CACNA1S: variants seen among roughly 807,000 people sequenced by gnomAD.
The protein encoded by CACNA1S is voltage-dependent L-type calcium channel subunit alpha-1S.
A neutral mutation model predicts 207.4 loss-of-function variants in CACNA1S; 126 were observed. That is an observed-to-expected ratio of 0.61 (90% CI 0.53 to 0.70). The LOEUF is 0.70. CACNA1S is among the 30% of genes least tolerant of loss of function. The pLI is 0.00. For synonymous variants in CACNA1S, 960 were observed against 932.7 expected (o/e 1.03, Z -0.53); for missense variants, 2,349 against 2,422.8 (o/e 0.97, Z 0.64).
intron 6 of CACNA1S, among the ~76,000 whole-genome samples, chr1:201,088,718 T>C (rs1320094288): frequency 1.3e-5 from 2 of 152,204 alleles, no homozygotes; most frequent in South Asian, 2.1e-4. Flanking sequence ...GAAATCTAGC[T>C]CTTAACAAAC....
At chr1:201,079,299 C>T (rs1572052045) in intron 10 of CACNA1S, among the ~76,000 whole-genome samples, 1 of 152,084 alleles carries the variant, frequency 6.6e-6, no homozygotes, top group Non-Finnish European at 1.5e-5. Context: ...TGCACCCTCA[C>T]TACTTCACCA....
rs149187422 is a variant in CACNA1S, at chr1:201,043,117, A to T, written c.5048+164T>A. ...CCTGCTGGCCAAAGAAGCCTCTGCC[A>T]TCGAGGTCGGCCTCTTACATTAAGG... is the stretch of plus-strand genomic sequence containing the variant. On this transcript the variant is annotated intron_variant, in intron 40 of 43. Coordinates refer to ENST00000362061, the MANE Select transcript of CACNA1S (RefSeq NM_000069.3). The T allele has an allele frequency of 4.9e-5, 40 of 823,064 alleles. No individual in the cohort carries two copies. The East Asian group carries it at 1.0e-3, about 21-fold the overall frequency. 51.0% of individuals were successfully genotyped at this position (823,064 alleles called of 1,614,324 possible).
chr1:201,057,345 C>T lies in CACNA1S; in HGVS notation c.3609+1063G>A, dbSNP rs749502521. Among the ~76,000 whole-genome samples the T allele has an allele frequency of 3.3e-5, 5 of 152,354 alleles. No individual in the cohort carries two copies. The South Asian group carries it at 6.2e-4, about 19-fold the overall frequency. On this transcript the variant is annotated intron_variant, in intron 28 of 43. Coordinates refer to ENST00000362061, the MANE Select transcript of CACNA1S (RefSeq NM_000069.3). ...CCCCCGTTCTGGCATGGCTCATGCC[C>T]TTGCTTTCTTCAGGCCTCTGCTCCA...
intron 32 of CACNA1S, among the ~76,000 whole-genome samples, chr1:201,052,106 T>A (rs1475184516): frequency 1.3e-5 from 2 of 152,180 alleles, no homozygotes; most frequent in African/African-American, 4.8e-5. Flanking sequence ...TCGGTTGCAA[T>A]CCAAGCTCTA....
chr1:201,040,402 C>T (rs765957541), intron 42 of CACNA1S, 28 bp from the exon 43 acceptor site: 3 of 1,610,806 alleles, frequency 1.9e-6, no homozygotes, highest in Admixed American at 3.3e-5. Flanking sequence ...AAGCAAAGAC[C>T]CCGACAGGGG....
chr1:201,058,388 T>TCTGC lies in CACNA1S; in HGVS notation c.3609+16_3609+19dup. The TCTGC allele has an allele frequency of 1.2e-6, 2 of 1,608,048 alleles. No individual in the cohort carries two copies. The highest frequency in any genetic ancestry group is 2.2e-5 in the South Asian group (2 of 90,954). On this transcript the variant is annotated intron_variant, in intron 28 of 43. Transcript: ENST00000362061. ...CTCTTGGGCCCACCCTAGTGATGGC[T>TCTGC]CTGCCTGCCTGATACTCACGTCGAT...
intron 14 of CACNA1S, 144 bp from the exon 15 acceptor site, chr1:201,073,786 C>A (rs1213133989): frequency 2.6e-6 from 2 of 779,302 alleles, no homozygotes; most frequent in Non-Finnish European, 4.7e-6. Context: ...ATGGGAAGGG[C>A]AGTGGGCTCA....
In CACNA1S at chr1:201,077,864, G is replaced by A. The variant is rs771698501; in HGVS notation, c.1619+15C>T. The A allele has an allele frequency of 2.0e-5, 32 of 1,598,288 alleles. No individual in the cohort carries two copies. Among genetic ancestry groups the A allele is most frequent in the South Asian group, 2.0e-4 (18 of 90,676 alleles). On this transcript the variant is annotated intron_variant, in intron 11 of 43. Transcript: ENST00000362061. ...TGCCGGGGACCCGGGAGTGCCAGCCGACCCCGGCACTCACTTGGTGATCTT... is the reference window on the plus strand; with the variant it reads ...TGCCGGGGACCCGGGAGTGCCAGCCAACCCCGGCACTCACTTGGTGATCTT...
chr1:201,054,907 G>A (rs778194221), intron 28 of CACNA1S, among the ~76,000 whole-genome samples: 1 of 152,312 alleles, frequency 6.6e-6, no homozygotes. Flanking sequence ...TGCTGGGGAC[G>A]TCCCTAATGA....
chr1:201,091,392 T>G (rs1672527480), intron 5 of CACNA1S, among the ~76,000 whole-genome samples: 2 of 140,146 alleles, frequency 1.4e-5, no homozygotes, highest in South Asian at 2.2e-4. Flanking sequence ...ACATTGTATG[T>G]GGGGCAGGGG....
At chr1:201,083,790 A>G (rs1661929500) in intron 9 of CACNA1S, among the ~76,000 whole-genome samples, 1 of 152,124 alleles carries the variant, frequency 6.6e-6, no homozygotes, top group Non-Finnish European at 1.5e-5. Context: ...TTAATGTTTT[A>G]TTATTTATTT....
chr1:201,053,945 A>G lies in CACNA1S; in HGVS notation c.3667-358T>C, dbSNP rs1660743666. Among the ~76,000 whole-genome samples, 1 of 152,104 alleles carries G rather than the reference A, an allele frequency of 6.6e-6. No individual in the cohort carries two copies. Among genetic ancestry groups the G allele is most frequent in the Non-Finnish European group, 1.5e-5 (1 of 67,984 alleles). ...ATCTCCTCAAGCTGCCACTGAGTCG[A>G]GGACCCTGGTGGCCCTCCTAGGGCT... On this transcript the variant is annotated intron_variant, in intron 29 of 43. Coordinates refer to ENST00000362061, the MANE Select transcript of CACNA1S (RefSeq NM_000069.3). This position sits in a 1 kb window ranked among gnomAD's most constrained non-coding sequence, Gnocchi z 5.1.
At chr1:201,045,139 A>T (rs1356156692) in intron 38 of CACNA1S, among the ~76,000 whole-genome samples, 3 of 152,226 alleles carry the variant, frequency 2.0e-5, no homozygotes, top group Admixed American at 6.5e-5. Flanking sequence ...CAGTAATGGG[A>T]CAAGTCAAGA....
intron 2 of CACNA1S, among the ~76,000 whole-genome samples, chr1:201,099,914 G>A (rs1454536624): frequency 6.6e-6 from 1 of 152,116 alleles, no homozygotes; most frequent in Non-Finnish European, 1.5e-5. Flanking sequence ...CAGGGGTAGA[G>A]CTCACAGTTT....
At chr1:201,085,803 C>T (rs892415389) in intron 7 of CACNA1S, among the ~76,000 whole-genome samples, 2 of 152,044 alleles carry the variant, frequency 1.3e-5, no homozygotes, top group Non-Finnish European at 2.9e-5. Flanking sequence ...TCCTGGAGTA[C>T]TCCTTGCCCC....
Position 201,070,367 on chromosome 1 carries a change from G to A in CACNA1S, c.2265C>T (p.Ser755=), listed in dbSNP as rs201913181. The A allele has an allele frequency of 3.1e-6, 5 of 1,614,062 alleles. No individual in the cohort carries two copies. The highest frequency in any genetic ancestry group is 2.7e-5 in the African/African-American group (2 of 75,058). ...GCTCAGCCAGGGGACGTGGTCGGGGGCTCAGCGGGATCTCAGGCTCATCTT... is the reference window on the plus strand; with the variant it reads ...GCTCAGCCAGGGGACGTGGTCGGGGACTCAGCGGGATCTCAGGCTCATCTT... ...DEEDEPEIPL[S]PRPRPLAELQ... The change falls in exon 17 of 44, where the codon AGC becomes AGT. Residue 755 remains serine, a synonymous_variant. Coordinates refer to ENST00000362061, the MANE Select transcript of CACNA1S (RefSeq NM_000069.3).
chr1:201,043,088 TC>T (rs1660332527), intron 40 of CACNA1S, 192 bp downstream of exon 40: 2 of 643,932 alleles, frequency 3.1e-6, no homozygotes, highest in East Asian at 5.6e-5. Context: ...ATGTGAGGCT[TC>T]CCCCTGCTGG....
rs775338287 is a variant in CACNA1S, at chr1:201,075,497, T to C, written c.1946A>G (p.Asn649Ser). 6.2e-7 allele frequency: 1 copy of C among 1,611,818 alleles called. No homozygotes were observed. Among genetic ancestry groups the C allele is most frequent in the Admixed American group, 1.7e-5 (1 of 59,814 alleles). Residue 649 changes from asparagine (N) to serine (S), a missense_variant and splice_region_variant, in exon 13 of 44, where the codon AAC becomes AGC. By Grantham distance (46) the Asn-to-Ser change is conservative. Coordinates refer to ENST00000362061, the MANE Select transcript of CACNA1S (RefSeq NM_000069.3). ...IYFIILFVCG[N>S]YILLNVFLAI... ...GCACCCTGCTCCCGAGAGGATACAG[T>C]TGCCACAGACGAAAAGGATGATGAA... is the stretch of plus-strand genomic sequence containing the variant.
At position 201,073,545 on chromosome 1, in the gene CACNA1S, T is replaced by C; in HGVS notation, c.2157+4A>G. On this transcript the variant is annotated splice_donor_region_variant and intron_variant, in intron 15 of 43. Transcript: ENST00000362061. Reference sequence around the variant, plus strand: ...CCTCTAACATCCCCACCTGAGGTGCTCACCTTGGCAGTGGTGGGGATGCCC... The same window carrying C: ...CCTCTAACATCCCCACCTGAGGTGCCCACCTTGGCAGTGGTGGGGATGCCC... 3.7e-6 allele frequency: 6 copies of C among 1,610,776 alleles called. No individual in the cohort carries two copies. The highest frequency in any genetic ancestry group is 5.1e-6 in the Non-Finnish European group (6 of 1,176,914).
Sources: gnomAD v4.1 joint callset for allele counts (sites outside exome capture counted in the v4.1 genomes callset) on GRCh38, gnomAD v4.1.1 for gene constraint, Gnocchi (gnomAD v3.1) non-coding constraint, MANE v1.5 for transcripts, NCBI Gene and HGNC (gene_info 2026-07-23, HGNC 2026-07-21) for gene names.